Variants in IL10RB observed in about 807,000 individuals in gnomAD.
The protein encoded by IL10RB is interleukin-10 receptor subunit beta.
IL10RB carries 30 observed loss-of-function variants against 38.7 expected under a neutral mutation model. The observed-to-expected ratio is 0.78, with a 90% confidence interval of 0.58 to 1.05. The LOEUF is 1.05. Ranked by LOEUF, IL10RB falls within the 50% of genes least tolerant of loss-of-function variation. IL10RB has a pLI of 0.00. For synonymous variants in IL10RB, 142 were observed against 145.9 expected (o/e 0.97, Z 0.19); for missense variants, 328 against 397.1 (o/e 0.83, Z 1.48).
intron 2 of IL10RB, among the ~76,000 whole-genome samples, chr21:33,274,186 C>CATTTT (rs1238394833): frequency 1.3e-5 from 2 of 151,944 alleles, no homozygotes; most frequent in Non-Finnish European, 2.9e-5. Context: ...TATTTTATTT[C>CATTTT]ATTTTATTTT....
Position 33,267,502 on chromosome 21 carries a change from G to GTTTGTTTT in IL10RB, c.50-889_50-888insGTTTTTTT, listed in dbSNP as rs1477718652. On this transcript the variant is annotated intron_variant, in intron 1 of 6. Coordinates refer to ENST00000290200, the MANE Select transcript of IL10RB (RefSeq NM_000628.5). ...CTTCCGTTTTTTTTTTTGTTTGTTTGTTTTTTTGTTTTTTTGTTTTTTTTT... is the reference window on the plus strand; with the variant it reads ...CTTCCGTTTTTTTTTTTGTTTGTTTGTTTGTTTTTTTTTTTGTTTTTTTGTTTTTTTTT... Among the ~76,000 whole-genome samples, 57 of 102,708 alleles carry GTTTGTTTT rather than the reference G, an allele frequency of 5.5e-4. 1 individual carries two copies. The highest frequency in any genetic ancestry group is 2.0e-3 in the African/African-American group (53 of 26,996). 67.4% of individuals were successfully genotyped at this position (102,708 alleles called of 152,430 possible).
At chr21:33,280,126 C>A (rs777343767) in intron 4 of IL10RB, among the ~76,000 whole-genome samples, 2 of 152,192 alleles carry the variant, frequency 1.3e-5, no homozygotes, top group South Asian at 4.1e-4. Flanking sequence ...ACAGTGACAG[C>A]AGACCTTTCC....
intron 1 of IL10RB, among the ~76,000 whole-genome samples, chr21:33,307,761 C>T (rs1601842689): frequency 1.3e-5 from 2 of 152,092 alleles, no homozygotes; most frequent in East Asian, 3.8e-4. Flanking sequence ...GTCTCTTGTC[C>T]CTCTTTCTTT....
chr21:33,301,232 A>T (rs7283777), downstream of IL10RB, among the ~76,000 whole-genome samples: 29,622 of 152,016 alleles, frequency 0.19, 3,020 homozygotes, highest in East Asian at 0.37. Flanking sequence ...TGAACTAGAG[A>T]CTCAGAGACT....
chr21:33,266,529 G>A lies in IL10RB; in HGVS notation c.49+15G>A. On this transcript the variant is annotated intron_variant, in intron 1 of 6. Transcript: ENST00000290200. ...GCTGGTGTCAGGTGAGGGGTCCGCG[G>A]GGAGGGGGCGCGCTTGGGAACCGGG... The A allele has an allele frequency of 1.3e-6, 2 of 1,541,274 alleles. No homozygotes were observed. Among genetic ancestry groups the A allele is most frequent in the Non-Finnish European group, 1.7e-6 (2 of 1,146,900 alleles).
chr21:33,308,683 A>G (rs888633937), intron 1 of IL10RB: 3 of 152,238 alleles, frequency 2.0e-5, no homozygotes, highest in African/African-American at 7.2e-5. Flanking sequence ...AGCTACGGGT[A>G]AGAAGAACAT....
chr21:33,292,578 C>G (rs1989510012), intron 6 of IL10RB, among the ~76,000 whole-genome samples: 2 of 152,160 alleles, frequency 1.3e-5, no homozygotes, highest in Non-Finnish European at 1.5e-5. Context: ...TTCTGGGCAG[C>G]ACCATCACCT....
At chr21:33,280,315 A>G (rs1018457006) in intron 4 of IL10RB, among the ~76,000 whole-genome samples, 1 of 152,192 alleles carries the variant, frequency 6.6e-6, no homozygotes, top group Non-Finnish European at 1.5e-5. Flanking sequence ...TTGTTGCTCT[A>G]TTCTTCAGGG....
chr21:33,268,247 C>T, intron 1 of IL10RB, 147 bp from the exon 2 acceptor site: 1 of 1,545,438 alleles, frequency 6.5e-7, no homozygotes. Context: ...GACTCCTCAG[C>T]ACAGCCAACC....
chr21:33,267,207 C>T (rs777413964), intron 1 of IL10RB, among the ~76,000 whole-genome samples: 22 of 152,078 alleles, frequency 1.4e-4, no homozygotes, highest in Non-Finnish European at 2.6e-4. Flanking sequence ...TCCGGTTTCC[C>T]GCCCTGTCAG....
intron 5 of IL10RB, among the ~76,000 whole-genome samples, chr21:33,285,278 A>G (rs909354317): frequency 6.6e-6 from 1 of 152,224 alleles, no homozygotes; most frequent in Non-Finnish European, 1.5e-5. Context: ...AGTAAATGAA[A>G]AGGATCAACC....
Position 33,288,379 on chromosome 21 carries a change from GCGCA to G in IL10RB, c.804+120_804+123del, listed in dbSNP as rs144081392. 955 of 650,452 alleles carry G rather than the reference GCGCA, an allele frequency of 1.5e-3. 4 individuals are homozygous for G. The African/African-American group carries it at 0.021, about 14-fold the overall frequency. 40.3% of individuals were successfully genotyped at this position (650,452 alleles called of 1,614,324 possible). A position where few individuals can be genotyped will look rare whatever the true frequency, so the allele number is the denominator to read the frequency against. On this transcript the variant is annotated intron_variant, in intron 6 of 6. Coordinates refer to ENST00000290200, the MANE Select transcript of IL10RB (RefSeq NM_000628.5). ...TTTCCAGGAAAACACACACGCGCGCGCGCACACACACACACACACACACACAGAC... is the reference window on the plus strand; with the variant it reads ...TTTCCAGGAAAACACACACGCGCGCGCACACACACACACACACACACAGAC...
rs781671430 is a variant in IL10RB, at chr21:33,268,374, T to C, written c.50-20T>C. 6.2e-6 allele frequency: 10 copies of C among 1,613,972 alleles called. No homozygotes were observed. The Admixed American group carries it at 6.7e-5, about 11-fold the overall frequency. On this transcript the variant is annotated intron_variant, in intron 1 of 6. Coordinates refer to ENST00000290200, the MANE Select transcript of IL10RB (RefSeq NM_000628.5). ...GTTTTGAGGAGAAAAGTTGTAAATG[T>C]TTTTGTCTTATTTTCATAGCATTGG...
At chr21:33,300,027 C>T (rs1368363704), downstream of IL10RB, among the ~76,000 whole-genome samples, 1 of 152,208 alleles carries the variant, frequency 6.6e-6, no homozygotes, top group South Asian at 2.1e-4. Flanking sequence ...TCAGCCTTCT[C>T]GGCTGCTCAC....
intron 1 of IL10RB, among the ~76,000 whole-genome samples, chr21:33,306,166 T>A (rs1182726325): frequency 1.3e-5 from 2 of 150,800 alleles, no homozygotes; most frequent in Non-Finnish European, 2.9e-5. Context: ...TCCCAGGGCA[T>A]GGAACAGGGC....
chr21:33,272,529 C>G (rs1989099839), intron 2 of IL10RB, among the ~76,000 whole-genome samples: 1 of 152,208 alleles, frequency 6.6e-6, no homozygotes, highest in African/African-American at 2.4e-5. Flanking sequence ...TCACTGCAGC[C>G]TCCACCTCCC....
rs1248649877 is a variant in IL10RB, at chr21:33,276,606, T to C, written c.184T>C (p.Phe62Leu). 6.2e-7 allele frequency: 1 copy of C among 1,613,180 alleles called. No homozygotes were observed. The highest frequency in any genetic ancestry group is 1.1e-5 in the South Asian group (1 of 91,048). The change falls in exon 3 of 7, where the codon TTC becomes CTC. Residue 62 changes from phenylalanine to leucine, a missense_variant. Transcript: ENST00000290200. ...TTTTTGATTGTGTAGTTATAGGATATTCCAAGATAAATGCATGAATACTAC... is the reference window on the plus strand; with the variant it reads ...TTTTTGATTGTGTAGTTATAGGATACTCCAAGATAAATGCATGAATACTAC... ...FTAQYLSYRI[F>L]QDKCMNTTLT...
intron 2 of IL10RB, among the ~76,000 whole-genome samples, chr21:33,270,817 A>G (rs1218904209): frequency 6.6e-6 from 1 of 151,850 alleles, no homozygotes; most frequent in Non-Finnish European, 1.5e-5. Context: ...TGGGACTACA[A>G]GCACATGCCA....
chr21:33,279,897 G>C lies in IL10RB; in HGVS notation c.477G>C (p.Trp159Cys). The change falls in exon 4 of 7, where the codon TGG becomes TGC. Residue 159 changes from tryptophan (W) to cysteine (C), a missense_variant. Physicochemically the swap from Trp to Cys is radical, Grantham distance 215 (BLOSUM62 -2). Coordinates refer to ENST00000290200, the MANE Select transcript of IL10RB (RefSeq NM_000628.5). ...YNSWTYNVQYWKNGTDEKFQI... is the reference protein window; with the variant it reads ...YNSWTYNVQYCKNGTDEKFQI... Reference sequence around the variant, plus strand: ...CATGGACTTATAATGTGCAATACTGGAAAAACGGTACTGATGAAAAGGTAA... The same window carrying C: ...CATGGACTTATAATGTGCAATACTGCAAAAACGGTACTGATGAAAAGGTAA... 6.2e-7 allele frequency: 1 copy of C among 1,613,844 alleles called. No homozygotes were observed. The highest frequency in any genetic ancestry group is 8.5e-7 in the Non-Finnish European group (1 of 1,179,816).
Sources: allele counts gnomAD v4.1 joint callset (sites outside exome capture counted in the v4.1 genomes callset), GRCh38; gene constraint gnomAD v4.1.1; transcripts MANE v1.5; gene names NCBI Gene and HGNC (gene_info 2026-07-23, HGNC 2026-07-21).